The following ACTR3C variants were observed in gnomAD, a reference collection of about 807,000 sequenced individuals.
ACTR3C encodes actin-related protein 3C.
A neutral mutation model predicts 26.3 loss-of-function variants in ACTR3C; 18 were observed. That is an observed-to-expected ratio of 0.68 (90% CI 0.47 to 1.01). The LOEUF (loss-of-function observed/expected upper bound fraction) is 1.01, where lower values mean the gene tolerates loss of function less well. Ranked by LOEUF, ACTR3C falls within the 50% of genes least tolerant of loss-of-function variation. The pLI is 0.00. For missense variants in ACTR3C, 184 were observed against 250.7 expected, an observed-to-expected ratio of 0.73 and a Z score of 1.80; for synonymous variants, 55 against 94.5, an observed-to-expected ratio of 0.58 and a Z score of 2.42.
chr7:149,981,826 A>G, the ACTR3C span, among the ~76,000 whole-genome samples: 1,119 of 152,328 alleles, frequency 7.3e-3, 12 homozygotes, highest in African/African-American at 0.025. Flanking sequence ...GAAGAAAACA[A>G]GATGTGAACC....
At chr7:150,239,641 T>A (rs1443282302), downstream of ACTR3C, among the ~76,000 whole-genome samples, 2 of 148,310 alleles carry the variant, frequency 1.3e-5, no homozygotes, top group South Asian at 4.2e-4. Flanking sequence ...ATTGAGGCTC[T>A]TTTTATTGAC....
At chr7:149,941,073 T>TC in the ACTR3C span, among the ~76,000 whole-genome samples, 2 of 152,212 alleles carry the variant, frequency 1.3e-5, no homozygotes, top group Admixed American at 6.5e-5. Context: ...CGACCTTCTG[T>TC]CCCCTGGGCT....
the ACTR3C span, among the ~76,000 whole-genome samples, chr7:150,077,411 A>C: frequency 6.6e-6 from 1 of 152,012 alleles, no homozygotes. Context: ...ACTCCATGTG[A>C]CCTCTGTGGT....
chr7:150,316,543 T>C (rs933205795), intron 1 of ACTR3C, among the ~76,000 whole-genome samples: 1 of 144,490 alleles, frequency 6.9e-6, no homozygotes, highest in South Asian at 2.2e-4. Context: ...GGGAGTGCAG[T>C]GGCGCGATCT....
the ACTR3C span, among the ~76,000 whole-genome samples, chr7:149,947,797 G>A: frequency 6.9e-6 from 1 of 145,214 alleles, no homozygotes; most frequent in East Asian, 1.9e-4. Flanking sequence ...ATGGCCATTG[G>A]AGGGATGAAG....
chr7:149,976,051 C>A, the ACTR3C span, among the ~76,000 whole-genome samples: 1 of 152,232 alleles, frequency 6.6e-6, no homozygotes, highest in Admixed American at 6.5e-5. Context: ...GTTCTGGGTG[C>A]ATTTTTAATT....
the ACTR3C span, among the ~76,000 whole-genome samples, chr7:150,042,099 G>C: frequency 1.0e-5 from 1 of 95,856 alleles, no homozygotes; most frequent in Non-Finnish European, 2.2e-5. Flanking sequence ...TGCCTCGCGG[G>C]GGGTGCCTCC....
chr7:150,039,903 G>T, the ACTR3C span, among the ~76,000 whole-genome samples: 2 of 130,212 alleles, frequency 1.5e-5, no homozygotes, highest in African/African-American at 2.7e-5. Context: ...CGTGAGGGGT[G>T]CCTCCTCCCC....
chr7:149,931,785 CA>C, the ACTR3C span, among the ~76,000 whole-genome samples: 7,270 of 149,842 alleles, frequency 0.049, 197 homozygotes, highest in Middle Eastern at 0.068. Flanking sequence ...AATAAATTGA[CA>C]AAAAAAAAGG....
chr7:149,903,986 T>C, the ACTR3C span, among the ~76,000 whole-genome samples: 1 of 111,494 alleles, frequency 9.0e-6, no homozygotes, highest in Admixed American at 9.7e-5. Flanking sequence ...GGTGACGCAA[T>C]CTCAGCTCAC....
the ACTR3C span, among the ~76,000 whole-genome samples, chr7:149,910,925 G>C: frequency 4.6e-5 from 7 of 151,612 alleles, no homozygotes; most frequent in African/African-American, 1.5e-4. Flanking sequence ...CGTGCCACAG[G>C]AGCCAGGGCA....
At chr7:150,103,075 G>A in the ACTR3C span, among the ~76,000 whole-genome samples, 5 of 94,956 alleles carry the variant, frequency 5.3e-5, no homozygotes, top group East Asian at 1.3e-3. Flanking sequence ...GTGTGTGTAT[G>A]TGTGTGTGTG....
the ACTR3C span, among the ~76,000 whole-genome samples, chr7:149,942,584 A>C: frequency 1.3e-5 from 2 of 150,758 alleles, no homozygotes; most frequent in Admixed American, 1.3e-4. Flanking sequence ...AACATCACAC[A>C]AACACACACA....
At chr7:149,933,382 C>T in the ACTR3C span, among the ~76,000 whole-genome samples, 10 of 151,764 alleles carry the variant, frequency 6.6e-5, no homozygotes, top group African/African-American at 2.2e-4. Context: ...TACATTTGAA[C>T]TACAGTGCGT....
chr7:149,887,153 G>A, the ACTR3C span, among the ~76,000 whole-genome samples: 11 of 151,712 alleles, frequency 7.3e-5, no homozygotes, highest in African/African-American at 9.7e-5. Flanking sequence ...CTCAGGGGAA[G>A]AAAGAAAAAA....
chr7:150,164,732 T>C, the ACTR3C span, among the ~76,000 whole-genome samples: 1 of 151,848 alleles, frequency 6.6e-6, no homozygotes, highest in Non-Finnish European at 1.5e-5. Flanking sequence ...GCCAATATTT[T>C]GTTTGTTTCT....
the ACTR3C span, among the ~76,000 whole-genome samples, chr7:150,172,567 C>A: frequency 6.7e-6 from 1 of 150,084 alleles, no homozygotes; most frequent in Non-Finnish European, 1.5e-5. Flanking sequence ...ATCATTCCAT[C>A]CCTGGCCCTT....
chr7:150,226,905 T>G, the ACTR3C span, among the ~76,000 whole-genome samples: 1 of 152,208 alleles, frequency 6.6e-6, no homozygotes, highest in Non-Finnish European at 1.5e-5. Flanking sequence ...AGTTGTTTAT[T>G]AAATATATAT....
At chr7:149,978,243 T>C in the ACTR3C span, among the ~76,000 whole-genome samples, 6 of 152,222 alleles carry the variant, frequency 3.9e-5, no homozygotes, top group African/African-American at 1.4e-4. Flanking sequence ...TGGCCCTGGT[T>C]ACCATGGACA....
Sources: allele counts gnomAD v4.1 joint callset (sites outside exome capture counted in the v4.1 genomes callset), GRCh38; gene constraint gnomAD v4.1.1; transcripts MANE v1.5; gene names NCBI Gene and HGNC (gene_info 2026-07-23, HGNC 2026-07-21).